The following ADGRL2 variants were observed in gnomAD, a reference collection of about 807,000 sequenced individuals.
ADGRL2 encodes the protein adhesion G protein-coupled receptor L2, also known as calcium-independent alpha-latrotoxin receptor 2.
In ADGRL2, 44 loss-of-function variants were observed where a neutral mutation model predicts 157.4. The ratio of observed to expected loss-of-function variants is 0.28; its 90% CI spans 0.22 to 0.36. ADGRL2 has a LOEUF of 0.36. Ranked by LOEUF, ADGRL2 falls within the 10% of genes least tolerant of loss-of-function variation. The pLI is 1.00. For synonymous variants in ADGRL2, 585 were observed against 624.7 expected (o/e 0.94, Z 0.95); for missense variants, 1,510 against 1,768.9 (o/e 0.85, Z 2.63).
At chr1:81,875,748 T>C (rs760983313) in intron 2 of ADGRL2, among the ~76,000 whole-genome samples, 108 of 152,192 alleles carry the variant, frequency 7.1e-4, no homozygotes, top group Non-Finnish European at 1.2e-3. Flanking sequence ...TTAGGGTTTA[T>C]GTGTGACTTA....
intron 2 of ADGRL2, among the ~76,000 whole-genome samples, chr1:81,786,871 G>C (rs1374637529): frequency 6.6e-6 from 1 of 152,150 alleles, no homozygotes; most frequent in Non-Finnish European, 1.5e-5. Flanking sequence ...GATTGAAAAA[G>C]TCTGTGATAT....
intron 1 of ADGRL2, among the ~76,000 whole-genome samples, chr1:81,836,257 A>C (rs999123785): frequency 6.6e-6 from 1 of 152,064 alleles, no homozygotes; most frequent in Non-Finnish European, 1.5e-5. Context: ...TATGTAGAAT[A>C]AAATAATAGG....
chr1:81,911,479 G>A (rs2094720241), intron 3 of ADGRL2, among the ~76,000 whole-genome samples: 1 of 152,104 alleles, frequency 6.6e-6, no homozygotes, highest in Non-Finnish European at 1.5e-5. Context: ...AAACTAGTAG[G>A]TGTCTTAAAG....
At chr1:81,723,332 A>G (rs531854343) in intron 1 of ADGRL2, among the ~76,000 whole-genome samples, 2 of 152,332 alleles carry the variant, frequency 1.3e-5, no homozygotes, top group East Asian at 1.9e-4. Context: ...GAAGCATTTT[A>G]TGGTGGTTTG....
At position 81,943,228 on chromosome 1, in the gene ADGRL2, C is replaced by T; in HGVS notation, c.669C>T (p.Val223=). 2 of 1,613,566 alleles carry T rather than the reference C, an allele frequency of 1.2e-6. No individual in the cohort carries two copies. Among genetic ancestry groups the T allele is most frequent in the South Asian group, 1.1e-5 (1 of 91,062 alleles). ...GTGFVVYDGA[V]FFNKERTRNI... ...GATTTGTGGTGTATGATGGTGCTGT[C>T]TTCTTTAACAAAGAAAGAACGAGGA... The change falls in exon 6 of 24, where the codon GTC becomes GTT. Residue 223 remains valine (V), a synonymous_variant. Coordinates refer to ENST00000686636, the MANE Select transcript of ADGRL2 (RefSeq NM_001366006.2). This position sits in a 1 kb window ranked among gnomAD's most constrained non-coding sequence, Gnocchi z 5.6.
chr1:81,376,210 A>G (rs1056333162), intron 1 of ADGRL2, among the ~76,000 whole-genome samples: 2 of 152,216 alleles, frequency 1.3e-5, no homozygotes, highest in African/African-American at 4.8e-5. Context: ...AGCTGGACAT[A>G]CTAGTTATTG....
intron 1 of ADGRL2, among the ~76,000 whole-genome samples, chr1:81,384,900 A>C (rs1301856722): frequency 6.6e-6 from 1 of 152,172 alleles, no homozygotes; most frequent in Admixed American, 6.5e-5. Context: ...ATTTTCAGAC[A>C]AATTACCTTC....
At chr1:81,308,350 A>G (rs1445493291) in intron 1 of ADGRL2, among the ~76,000 whole-genome samples, 2 of 152,116 alleles carry the variant, frequency 1.3e-5, no homozygotes, top group Non-Finnish European at 2.9e-5. Context: ...ATTTGTCACT[A>G]ACAGTAAAGG....
chr1:81,991,201 C>G lies in ADGRL2; in HGVS notation c.*56C>G. The G allele has an allele frequency of 6.7e-7, 1 of 1,490,660 alleles. No individual in the cohort carries two copies. Among genetic ancestry groups the G allele is most frequent in the Non-Finnish European group, 9.0e-7 (1 of 1,107,632 alleles). 92.3% of individuals were successfully genotyped at this position (1,490,660 alleles called of 1,614,324 possible). A position where few individuals can be genotyped will look rare whatever the true frequency, so the allele number is the denominator to read the frequency against. On this transcript the variant is annotated 3_prime_UTR_variant, in exon 24 of 24. Transcript: ENST00000686636. ...TGCGAGTATTAATAAATAAAGACAC[C>G]ATTGGCCTGACGCAGCTCCCTCAAA...
At chr1:81,589,620 A>T (rs2081093499) in intron 3 of ADGRL2, among the ~76,000 whole-genome samples, 1 of 152,216 alleles carries the variant, frequency 6.6e-6, no homozygotes. Flanking sequence ...TAGATTGCTC[A>T]GCTATGTGCA....
intron 1 of ADGRL2, among the ~76,000 whole-genome samples, chr1:81,405,377 A>G (rs2076834611): frequency 6.6e-6 from 1 of 152,168 alleles, no homozygotes; most frequent in Admixed American, 6.5e-5. Flanking sequence ...ATTGGAAAAT[A>G]CTATTTCAGG....
At chr1:81,937,262 C>G (rs927595122) in intron 4 of ADGRL2, among the ~76,000 whole-genome samples, 3 of 151,830 alleles carry the variant, frequency 2.0e-5, no homozygotes, top group African/African-American at 7.2e-5. Flanking sequence ...TAAAAGCTAC[C>G]ATTGCAGTAA....
chr1:81,867,985 TATGGGCACAAA>T (rs2093590891), intron 2 of ADGRL2, among the ~76,000 whole-genome samples: 1 of 152,020 alleles, frequency 6.6e-6, no homozygotes, highest in South Asian at 2.1e-4. Context: ...TGTAGGCCAA[TATGGGCACAAA>T]TAATTATGCC....
chr1:81,633,822 A>G (rs1043948894), intron 3 of ADGRL2, among the ~76,000 whole-genome samples: 1 of 151,970 alleles, frequency 6.6e-6, no homozygotes, highest in African/African-American at 2.4e-5. Flanking sequence ...TACTGCTACA[A>G]CATTTATCTC....
chr1:81,799,890 A>T (rs2149450481), upstream of ADGRL2, among the ~76,000 whole-genome samples: 1 of 144 alleles, frequency 6.9e-3, no homozygotes, highest in Non-Finnish European at 0.024. Flanking sequence ...TTTTGCAATA[A>T]AAAAAAAATC....
intron 1 of ADGRL2, among the ~76,000 whole-genome samples, chr1:81,311,884 G>A (rs979210479): frequency 5.3e-5 from 8 of 152,120 alleles, no homozygotes; most frequent in African/African-American, 1.9e-4. Flanking sequence ...AAGACAAAGA[G>A]TAAAATACAG....
intron 2 of ADGRL2, among the ~76,000 whole-genome samples, chr1:81,543,008 C>CT (rs199767965): frequency 0.01 from 1,353 of 134,638 alleles, 10 homozygotes; most frequent in East Asian, 0.014. Context: ...TTTTATCTTG[C>CT]TTTTTTTTTT....
At chr1:81,437,302 C>A (rs760513487) in intron 1 of ADGRL2, among the ~76,000 whole-genome samples, 2 of 151,814 alleles carry the variant, frequency 1.3e-5, no homozygotes, top group Non-Finnish European at 2.9e-5. Flanking sequence ...AAAAGGAAAG[C>A]TTTTTTTTAC....
intron 2 of ADGRL2, among the ~76,000 whole-genome samples, chr1:81,453,097 C>T (rs1027904011): frequency 2.0e-5 from 3 of 152,058 alleles, no homozygotes; most frequent in African/African-American, 4.8e-5. Context: ...AGTAAAACTG[C>T]GAAGACTTGT....
Sources: gnomAD v4.1 joint callset for allele counts (sites outside exome capture counted in the v4.1 genomes callset) on GRCh38, gnomAD v4.1.1 for gene constraint, Gnocchi (gnomAD v3.1) non-coding constraint, MANE v1.5 for transcripts, NCBI Gene and HGNC (gene_info 2026-07-23, HGNC 2026-07-21) for gene names.